KPNB1: variants seen among roughly 807,000 people sequenced by gnomAD.
The protein encoded by KPNB1 is importin subunit beta-1.
Under a neutral mutation model 113.0 loss-of-function variants are expected in KPNB1, and 7 were observed. That is an observed-to-expected ratio of 0.06 (90% CI 0.04 to 0.12). The LOEUF is 0.12. Among genes scored for constraint, KPNB1 ranks in the 10% least tolerant of loss-of-function variants. The probability of loss-of-function intolerance (pLI) is 1.00; values close to 1 mark genes in which losing one functional copy is unlikely to be tolerated. For missense variants in KPNB1, 400 were observed against 1,054.8 expected (o/e 0.38, Z 8.60); for synonymous variants, 363 against 378.6 (o/e 0.96, Z 0.48).
rs147851079 is a variant in KPNB1 at position 47,675,764 on chromosome 17, G to A, written c.1913-645G>A. Among the ~76,000 whole-genome samples the A allele has an allele frequency of 2.0e-5, 3 of 152,230 alleles. No homozygotes were observed. The East Asian group carries it at 5.8e-4, about 29-fold the overall frequency. On this transcript the variant is annotated intron_variant, in intron 15 of 21. Coordinates refer to ENST00000290158, the MANE Select transcript of KPNB1 (RefSeq NM_002265.6). ...GAAGGGGCATTACGAAGCACTTTAGGAATCTGATATGCCTTTTCAGGGGTG... is the reference window on the plus strand; with the variant it reads ...GAAGGGGCATTACGAAGCACTTTAGAAATCTGATATGCCTTTTCAGGGGTG...
intron 2 of KPNB1, among the ~76,000 whole-genome samples, chr17:47,651,690 A>C (rs1915575973): frequency 6.6e-6 from 1 of 152,248 alleles, no homozygotes; most frequent in Non-Finnish European, 1.5e-5. Context: ...ATAATTAATA[A>C]AACTTTTAAG....
At chr17:47,675,776 C>T (rs368623199) in intron 15 of KPNB1, among the ~76,000 whole-genome samples, 4 of 152,084 alleles carry the variant, frequency 2.6e-5, no homozygotes, top group South Asian at 2.1e-4. Context: ...ATCTGATATG[C>T]CTTTTCAGGG....
At chr17:47,650,879 C>T (rs1441827319) in intron 2 of KPNB1, among the ~76,000 whole-genome samples, 3 of 152,178 alleles carry the variant, frequency 2.0e-5, no homozygotes, top group South Asian at 4.1e-4. Context: ...TATCCCGTGG[C>T]CCCTGTGGCT....
At chr17:47,672,956 G>A in intron 12 of KPNB1, 62 bp from the exon 13 acceptor site, 1 of 1,511,284 alleles carries the variant, frequency 6.6e-7, no homozygotes, top group Non-Finnish European at 8.9e-7. Context: ...GCAAGACATT[G>A]TCTATGTTCT....
chr17:47,675,153 A>G (rs1019394670), intron 15 of KPNB1, among the ~76,000 whole-genome samples: 3 of 151,782 alleles, frequency 2.0e-5, no homozygotes, highest in Non-Finnish European at 4.4e-5. Flanking sequence ...GGGTCTCACT[A>G]TATTGCTCAG....
intron 5 of KPNB1, 88 bp from the exon 6 acceptor site, chr17:47,661,031 A>C: frequency 1.0e-6 from 1 of 1,003,646 alleles, no homozygotes; most frequent in Non-Finnish European, 1.6e-6. Flanking sequence ...AGGGGGAGTG[A>C]GAGGTTTTCC....
intron 2 of KPNB1, among the ~76,000 whole-genome samples, chr17:47,651,914 C>T (rs1027757821): frequency 6.6e-6 from 1 of 152,180 alleles, no homozygotes; most frequent in African/African-American, 2.4e-5. Flanking sequence ...TATTCCTCAA[C>T]TAAAGTCCAA....
intron 8 of KPNB1, 112 bp downstream of exon 8, chr17:47,664,381 A>T (rs1318852516): frequency 2.3e-5 from 16 of 693,662 alleles, no homozygotes; most frequent in Admixed American, 7.4e-5. Context: ...GGGTATCTCC[A>T]TTGGCAGAGA....
chr17:47,667,744 G>C (rs1027937030), intron 9 of KPNB1, among the ~76,000 whole-genome samples: 2 of 150,624 alleles, frequency 1.3e-5, no homozygotes, highest in East Asian at 4.0e-4. Context: ...TTTTAGTAGA[G>C]ATGGGGTTTC....
At chr17:47,656,799 G>A (rs1218433013) in intron 3 of KPNB1, 61 bp from the exon 4 acceptor site, 3 of 1,519,306 alleles carry the variant, frequency 2.0e-6, no homozygotes, top group East Asian at 4.5e-5. Flanking sequence ...GTATGGTGGT[G>A]GGCAAAATGT....
intron 3 of KPNB1, 131 bp downstream of exon 3, chr17:47,653,007 T>G: frequency 5.5e-6 from 3 of 549,010 alleles, no homozygotes; most frequent in Non-Finnish European, 9.0e-6. Flanking sequence ...TACCTAAAGA[T>G]AAAAATTGTC....
intron 13 of KPNB1, 74 bp from the exon 14 acceptor site, chr17:47,673,416 G>T: frequency 8.0e-7 from 1 of 1,254,232 alleles, no homozygotes; most frequent in South Asian, 1.2e-5. Flanking sequence ...GTTAGTATTA[G>T]GGAAGATTAT....
chr17:47,652,639 C>G (rs2143083624), intron 2 of KPNB1, 55 bp from the exon 3 acceptor site: 3 of 1,397,568 alleles, frequency 2.1e-6, no homozygotes, highest in Non-Finnish European at 2.9e-6. Flanking sequence ...AAATTATCCT[C>G]AGTTGTGGAA....
At chr17:47,659,341 T>C (rs913965128) in intron 5 of KPNB1, among the ~76,000 whole-genome samples, 1 of 152,020 alleles carries the variant, frequency 6.6e-6, no homozygotes, top group African/African-American at 2.4e-5. Context: ...AGAGCAAGAC[T>C]GTCTCAAAAA....
At chr17:47,650,320 T>G in intron 1 of KPNB1, 36 bp downstream of exon 1, 5 of 1,610,714 alleles carry the variant, frequency 3.1e-6, no homozygotes, top group Non-Finnish European at 4.2e-6. Context: ...GCTGAGGTGA[T>G]TGGGGTGGGG....
At chr17:47,681,693 T>TGG (rs1567896604) in intron 21 of KPNB1, among the ~76,000 whole-genome samples, 6 of 143,468 alleles carry the variant, frequency 4.2e-5, no homozygotes, top group Non-Finnish European at 9.2e-5. Context: ...TAGGTTTTTT[T>TGG]TTTTTTTTTT....
chr17:47,674,167 T>C (rs1029686572), intron 14 of KPNB1, among the ~76,000 whole-genome samples: 1 of 152,138 alleles, frequency 6.6e-6, no homozygotes, highest in Admixed American at 6.5e-5. Flanking sequence ...GAGGAAGGAA[T>C]GTTTGATGGG....
intron 10 of KPNB1, 135 bp downstream of exon 10, chr17:47,668,545 G>A: frequency 2.9e-6 from 2 of 700,388 alleles, no homozygotes; most frequent in South Asian, 1.9e-5. Flanking sequence ...TACTTTTAAT[G>A]AGGGTAAAAT....
rs1045224969 is a variant in KPNB1, at chr17:47,658,739, C to G, written c.636+79C>G. 1.4e-4 allele frequency: 189 copies of G among 1,327,688 alleles called. 1 individual carries two copies. The highest frequency in any genetic ancestry group is 1.9e-4 in the Non-Finnish European group (186 of 961,698). The allele number at this position is 1,327,688 out of a possible 1,614,324, so 82.2% of individuals were successfully genotyped here. ...GAATGAAAGTTTTTTGTTTTGTTTT[C>G]TTAAGTTTATGGTTTAGAAAGTACC... On this transcript the variant is annotated intron_variant, in intron 5 of 21. Transcript: ENST00000290158.
Sources: allele counts gnomAD v4.1 joint callset (sites outside exome capture counted in the v4.1 genomes callset), GRCh38; gene constraint gnomAD v4.1.1; transcripts MANE v1.5; gene names NCBI Gene and HGNC (gene_info 2026-07-23, HGNC 2026-07-21).